Variants in BLTP1 observed in about 807,000 individuals in gnomAD.
BLTP1 encodes the protein fragile site-associated protein.
the BLTP1 span, chr4:122,281,516 A>T: frequency 7.1e-6 from 10 of 1,407,040 alleles, no homozygotes; most frequent in South Asian, 2.8e-5. Context: ...TTTTTTAATT[A>T]TTTTTTTTTT....
At chr4:122,356,580 A>G in the BLTP1 span, 1 of 1,597,814 alleles carries the variant, frequency 6.3e-7, no homozygotes, top group African/African-American at 1.4e-5. Flanking sequence ...ATTAATGGGA[A>G]GATGACTCAT....
the BLTP1 span, chr4:122,273,504 T>G: frequency 2.4e-6 from 2 of 831,196 alleles, no homozygotes; most frequent in East Asian, 1.2e-4. Context: ...AAAAAAATTG[T>G]CAGTTTTTTC....
the BLTP1 span, among the ~76,000 whole-genome samples, chr4:122,326,250 ATCAGT>A: frequency 6.6e-6 from 1 of 151,810 alleles, no homozygotes; most frequent in African/African-American, 2.4e-5. Context: ...ATAAACAAAG[ATCAGT>A]TCAAACTAGA....
At chr4:122,167,837 A>G in the BLTP1 span, 84 of 985,270 alleles carry the variant, frequency 8.5e-5, no homozygotes, top group Non-Finnish European at 9.6e-5. Context: ...CAACTCTTAG[A>G]TTGAACTGTT....
At chr4:122,193,795 C>A in the BLTP1 span, 1 of 250,464 alleles carries the variant, frequency 4.0e-6, no homozygotes, top group Non-Finnish European at 6.3e-6. Flanking sequence ...GATGTATTGA[C>A]TTTTTAAATG....
chr4:122,224,503 A>AC, the BLTP1 span: 1 of 1,610,094 alleles, frequency 6.2e-7, no homozygotes, highest in Non-Finnish European at 8.5e-7. Context: ...TTCAGCAGCG[A>AC]CCCCCTGTGG....
chr4:122,230,933 C>G, the BLTP1 span, among the ~76,000 whole-genome samples: 5 of 152,036 alleles, frequency 3.3e-5, no homozygotes, highest in East Asian at 9.7e-4. Context: ...GTTTAAAATT[C>G]TGCATGTTTG....
At chr4:122,204,475 T>C in the BLTP1 span, 6 of 932,446 alleles carry the variant, frequency 6.4e-6, no homozygotes, top group South Asian at 3.0e-4. Context: ...ACTTGAGGCA[T>C]AGAAACATTG....
the BLTP1 span, among the ~76,000 whole-genome samples, chr4:122,196,008 T>G: frequency 1.3e-5 from 2 of 152,230 alleles, no homozygotes; most frequent in Non-Finnish European, 2.9e-5. Flanking sequence ...TATCTTGGGC[T>G]CTTTCATTTT....
the BLTP1 span, chr4:122,164,469 T>C: frequency 1.0e-6 from 1 of 957,656 alleles, no homozygotes; most frequent in Non-Finnish European, 1.2e-6. Flanking sequence ...ATTCAAGCTA[T>C]ATGCATCTTT....
the BLTP1 span, among the ~76,000 whole-genome samples, chr4:122,164,885 A>G: frequency 1.3e-5 from 2 of 152,196 alleles, no homozygotes; most frequent in Non-Finnish European, 2.9e-5. Flanking sequence ...ATTTTACATT[A>G]TCACATTCAT....
chr4:122,269,188 AC>A, the BLTP1 span: 1 of 460,054 alleles, frequency 2.2e-6, no homozygotes, highest in Admixed American at 6.4e-5. Context: ...TTATATGTAT[AC>A]ATACAGTCTA....
At chr4:122,197,307 A>G in the BLTP1 span, 2 of 1,310,634 alleles carry the variant, frequency 1.5e-6, no homozygotes, top group Admixed American at 5.2e-5. Flanking sequence ...CTTTTTAAAT[A>G]ATTAGGGAAA....
At chr4:122,296,998 A>C in the BLTP1 span, among the ~76,000 whole-genome samples, 2 of 152,226 alleles carry the variant, frequency 1.3e-5, no homozygotes, top group Non-Finnish European at 2.9e-5. Flanking sequence ...ACCATTTAGG[A>C]CATAGGCACC....
the BLTP1 span, among the ~76,000 whole-genome samples, chr4:122,164,120 G>C: frequency 6.6e-6 from 1 of 152,158 alleles, no homozygotes; most frequent in South Asian, 2.1e-4. Flanking sequence ...GTATCTGCAT[G>C]TTAATTACAA....
the BLTP1 span, chr4:122,178,219 G>A: frequency 2.5e-6 from 2 of 798,798 alleles, no homozygotes; most frequent in Non-Finnish European, 1.5e-6. Context: ...GATTCTTCAA[G>A]GTTATAAACA....
the BLTP1 span, chr4:122,170,437 TTACATTTTAG>T: frequency 2.1e-6 from 2 of 969,134 alleles, no homozygotes; most frequent in South Asian, 9.5e-5. Flanking sequence ...ATCCATTCTC[TTACATTTTAG>T]TAGAAATGTG....
chr4:122,274,420 A>AT, the BLTP1 span: 3 of 1,603,408 alleles, frequency 1.9e-6, no homozygotes, highest in Non-Finnish European at 2.6e-6. Flanking sequence ...GCTTGAAGGG[A>AT]TTACACCAAA....
the BLTP1 span, chr4:122,275,841 A>G: frequency 9.1e-7 from 1 of 1,102,790 alleles, no homozygotes; most frequent in South Asian, 3.8e-5. Context: ...ATGGTACTTT[A>G]AAGGAACATT....
Sources: gnomAD v4.1 joint callset for allele counts (sites outside exome capture counted in the v4.1 genomes callset) on GRCh38, gnomAD v4.1.1 for gene constraint, MANE v1.5 for transcripts, NCBI Gene and HGNC (gene_info 2026-07-23, HGNC 2026-07-21) for gene names.